Variants in NKAIN2 observed in about 807,000 individuals in gnomAD.
NKAIN2 encodes sodium/potassium-transporting ATPase subunit beta-1-interacting protein 2.
A neutral mutation model predicts 32.6 loss-of-function variants in NKAIN2; 14 were observed. The ratio of observed to expected loss-of-function variants is 0.43; its 90% CI spans 0.28 to 0.67. The LOEUF is 0.67. Among genes scored for constraint, NKAIN2 ranks in the 30% least tolerant of loss-of-function variants. The pLI is 0.17. For synonymous variants in NKAIN2, 80 were observed against 87.2 expected (o/e 0.92, Z 0.46); for missense variants, 198 against 258.3 (o/e 0.77, Z 1.60).
At chr6:124,022,098 A>C (rs752957582) in intron 1 of NKAIN2, among the ~76,000 whole-genome samples, 2 of 143,236 alleles carry the variant, frequency 1.4e-5, no homozygotes, top group Non-Finnish European at 3.0e-5. Flanking sequence ...CCTGTGTCCA[A>C]GTGTTCTCAT....
intron 5 of NKAIN2, among the ~76,000 whole-genome samples, chr6:124,801,632 G>A (rs1780260308): frequency 6.6e-6 from 1 of 152,168 alleles, no homozygotes; most frequent in Admixed American, 6.5e-5. Flanking sequence ...TACCATCTTT[G>A]CCTTTATGGC....
intron 1 of NKAIN2, among the ~76,000 whole-genome samples, chr6:124,254,870 A>T (rs1284681082): frequency 1.3e-5 from 2 of 152,142 alleles, no homozygotes; most frequent in Non-Finnish European, 2.9e-5. Context: ...ATGAACACCT[A>T]ATTATTACTC....
chr6:123,953,200 G>A (rs1777406502), intron 1 of NKAIN2, among the ~76,000 whole-genome samples: 1 of 152,132 alleles, frequency 6.6e-6, no homozygotes, highest in South Asian at 2.1e-4. Flanking sequence ...TGTTAGTGGA[G>A]GTTGTGGTGA....
At chr6:124,447,257 T>G (rs770440242) in intron 3 of NKAIN2, among the ~76,000 whole-genome samples, 1 of 152,072 alleles carries the variant, frequency 6.6e-6, no homozygotes, top group Non-Finnish European at 1.5e-5. Context: ...ATATATATCC[T>G]GCCCACCAGA....
intron 3 of NKAIN2, among the ~76,000 whole-genome samples, chr6:124,405,265 T>G (rs577741220): frequency 6.6e-6 from 1 of 152,268 alleles, no homozygotes; most frequent in South Asian, 2.1e-4. Flanking sequence ...ACAAATAATC[T>G]CAATAATACT....
At chr6:124,449,924 G>A (rs940894027) in intron 3 of NKAIN2, among the ~76,000 whole-genome samples, 2 of 152,042 alleles carry the variant, frequency 1.3e-5, no homozygotes, top group Non-Finnish European at 2.9e-5. Flanking sequence ...CGGTTAGGCT[G>A]TTTTATTTGG....
At chr6:124,718,909 TA>T (rs201732653) in intron 4 of NKAIN2, among the ~76,000 whole-genome samples, 1,716 of 151,134 alleles carry the variant, frequency 0.011, 66 homozygotes, top group East Asian at 0.11. Context: ...ATTTGAGTAA[TA>T]AAAAAAAATG....
chr6:124,309,859 T>G (rs997218187), intron 2 of NKAIN2, among the ~76,000 whole-genome samples: 2 of 152,156 alleles, frequency 1.3e-5, no homozygotes, highest in Non-Finnish European at 2.9e-5. Flanking sequence ...CTTTCTAACT[T>G]TCTTGCTCTT....
At chr6:124,619,303 A>G (rs917579394) in intron 3 of NKAIN2, among the ~76,000 whole-genome samples, 1 of 152,158 alleles carries the variant, frequency 6.6e-6, no homozygotes, top group Admixed American at 6.5e-5. Flanking sequence ...ATATTTTTCT[A>G]TGATCCTTGG....
intron 4 of NKAIN2, among the ~76,000 whole-genome samples, chr6:124,738,349 C>G (rs1176770653): frequency 2.6e-5 from 4 of 151,672 alleles, no homozygotes; most frequent in Non-Finnish European, 5.9e-5. Context: ...ATAAAAATAA[C>G]TTTTAAAATA....
At chr6:124,103,233 ATGT>A (rs1481663136) in intron 1 of NKAIN2, among the ~76,000 whole-genome samples, 2 of 152,232 alleles carry the variant, frequency 1.3e-5, no homozygotes, top group African/African-American at 4.8e-5. Flanking sequence ...ATTTTGAGTA[ATGT>A]TGTTAAAAAT....
At chr6:123,873,423 T>C (rs117478096) in intron 1 of NKAIN2, among the ~76,000 whole-genome samples, 2 of 152,308 alleles carry the variant, frequency 1.3e-5, no homozygotes, top group Non-Finnish European at 2.9e-5. Flanking sequence ...AAAATCCTTG[T>C]AGGCCATGGG....
intron 3 of NKAIN2, among the ~76,000 whole-genome samples, chr6:124,434,478 A>G (rs1424826371): frequency 6.6e-6 from 1 of 152,148 alleles, no homozygotes; most frequent in Non-Finnish European, 1.5e-5. Context: ...TCATTTCTCA[A>G]GTGTAATCTT....
At chr6:124,580,087 T>A (rs545973596) in intron 3 of NKAIN2, among the ~76,000 whole-genome samples, 5 of 152,264 alleles carry the variant, frequency 3.3e-5, no homozygotes, top group African/African-American at 1.2e-4. Flanking sequence ...AAATGCTAAA[T>A]GGAGTTCTGC....
intron 5 of NKAIN2, among the ~76,000 whole-genome samples, chr6:124,812,259 A>G (rs538565866): frequency 6.6e-6 from 1 of 152,286 alleles, no homozygotes; most frequent in South Asian, 2.1e-4. Flanking sequence ...TCTTCTCTTT[A>G]TTATCATTCA....
chr6:124,130,002 C>T (rs1018108378), intron 1 of NKAIN2, among the ~76,000 whole-genome samples: 13 of 152,298 alleles, frequency 8.5e-5, no homozygotes, highest in South Asian at 8.3e-4. Context: ...CAGCTTCAGA[C>T]TTACATGATT....
intron 1 of NKAIN2, among the ~76,000 whole-genome samples, chr6:124,161,002 GT>G (rs1361688781): frequency 6.6e-6 from 1 of 152,116 alleles, no homozygotes; most frequent in Non-Finnish European, 1.5e-5. Context: ...TTTATTCAAA[GT>G]TTTAACTTAC....
At chr6:124,081,141 A>C (rs1332167593) in intron 1 of NKAIN2, among the ~76,000 whole-genome samples, 3 of 151,800 alleles carry the variant, frequency 2.0e-5, no homozygotes, top group Non-Finnish European at 4.4e-5. Context: ...TTTTACTTGG[A>C]ACTTTTAAAG....
intron 3 of NKAIN2, among the ~76,000 whole-genome samples, chr6:124,570,475 G>A (rs71559997): frequency 7.6e-4 from 115 of 152,232 alleles, no homozygotes; most frequent in Non-Finnish European, 1.2e-3. Flanking sequence ...TGCGCTGTGT[G>A]CAGCCCTGTG....
Sources: allele counts gnomAD v4.1 joint callset (sites outside exome capture counted in the v4.1 genomes callset), GRCh38; gene constraint gnomAD v4.1.1; transcripts MANE v1.5; gene names NCBI Gene and HGNC (gene_info 2026-07-23, HGNC 2026-07-21).